AFDN: variants seen among roughly 807,000 people sequenced by gnomAD.
The protein encoded by AFDN is afadin, adherens junction formation factor.
A neutral mutation model predicts 216.6 loss-of-function variants in AFDN; 68 were observed. That is an observed-to-expected ratio of 0.31 (90% CI 0.26 to 0.38). The LOEUF (loss-of-function observed/expected upper bound fraction) is 0.38, where lower values mean the gene tolerates loss of function less well. AFDN is among the 10% of genes least tolerant of loss of function. The pLI is 1.00. For synonymous variants in AFDN, 868 were observed against 853.7 expected (o/e 1.02, Z -0.29); for missense variants, 2,136 against 2,342.0 (o/e 0.91, Z 1.82).
At chr6:167,903,270 G>T (rs969343985) in intron 12 of AFDN, among the ~76,000 whole-genome samples, 4 of 152,212 alleles carry the variant, frequency 2.6e-5, no homozygotes, top group African/African-American at 9.6e-5. Context: ...TTGTTTGCTG[G>T]TCTTGCTGGT....
At chr6:167,838,883 A>C (rs1780743533) in intron 1 of AFDN, among the ~76,000 whole-genome samples, 1 of 152,228 alleles carries the variant, frequency 6.6e-6, no homozygotes, top group Admixed American at 6.5e-5. Flanking sequence ...TTGTGATGAG[A>C]ATAAACTAAG....
intron 32 of AFDN, among the ~76,000 whole-genome samples, chr6:167,966,723 G>C (rs757011770): frequency 6.6e-6 from 1 of 152,164 alleles, no homozygotes; most frequent in South Asian, 2.1e-4. Context: ...TTCTGTTCTG[G>C]ATTAAGTAGC....
chr6:167,912,446 A>G (rs978702978), intron 15 of AFDN, among the ~76,000 whole-genome samples: 2 of 152,206 alleles, frequency 1.3e-5, no homozygotes, highest in Non-Finnish European at 2.9e-5. Context: ...ATTGTTTTCA[A>G]AGGCCAGAAT....
rs1789117802 is a variant in AFDN, at chr6:167,902,526, T to TTG, written c.1650+140_1650+141insTG. 15 of 634,852 alleles carry TTG rather than the reference T, an allele frequency of 2.4e-5. No homozygotes were observed. The East Asian group carries it at 4.3e-4, about 18-fold the overall frequency. The allele number at this position is 634,852 out of a possible 1,614,324, so 39.3% of individuals were successfully genotyped here. ...ACCAGTCAATGTCTGAAATCATAAATAGTACAGAGCCCTATGGATACTATG... is the reference window on the plus strand; with the variant it reads ...ACCAGTCAATGTCTGAAATCATAAATTGAGTACAGAGCCCTATGGATACTATG... On this transcript the variant is annotated intron_variant, in intron 12 of 33. Coordinates refer to ENST00000683244, the MANE Select transcript of AFDN (RefSeq NM_001386888.1).
At chr6:167,918,351 A>G (rs1216783352) in intron 20 of AFDN, among the ~76,000 whole-genome samples, 1 of 152,226 alleles carries the variant, frequency 6.6e-6, no homozygotes, top group African/African-American at 2.4e-5. Context: ...GCTTTTCCCT[A>G]TATCATTAAA....
chr6:167,962,716 G>A lies in AFDN; in HGVS notation c.4968+149G>A. ...CTCCCCCAGCTTTGTGATTGGACCT[G>A]CAACTTTACCCCATCTGGCCCACCT... On this transcript the variant is annotated intron_variant, in intron 31 of 33. Coordinates refer to ENST00000683244, the MANE Select transcript of AFDN (RefSeq NM_001386888.1). This position sits in a 1 kb window ranked among gnomAD's most constrained non-coding sequence, Gnocchi z 5.2. 6.5e-7 allele frequency: 1 copy of A among 1,527,404 alleles called. No individual in the cohort carries two copies. The highest frequency in any genetic ancestry group is 8.8e-7 in the Non-Finnish European group (1 of 1,139,300). 94.6% of individuals were successfully genotyped at this position (1,527,404 alleles called of 1,614,324 possible). A position where few individuals can be genotyped will look rare whatever the true frequency, so the allele number is the denominator to read the frequency against.
chr6:167,891,843 T>G (rs1229916022), intron 8 of AFDN, among the ~76,000 whole-genome samples: 1 of 152,116 alleles, frequency 6.6e-6, no homozygotes, highest in Non-Finnish European at 1.5e-5. Context: ...ATCAGAGTGG[T>G]GCACCCCCAT....
At chr6:167,943,686 C>G (rs1229633173) in intron 25 of AFDN, among the ~76,000 whole-genome samples, 1 of 152,094 alleles carries the variant, frequency 6.6e-6, no homozygotes, top group Non-Finnish European at 1.5e-5. Flanking sequence ...GAAACATACT[C>G]AACACTTCTT....
At chr6:167,913,730 G>A (rs1409193524) in intron 16 of AFDN, 1 of 462,988 alleles carries the variant, frequency 2.2e-6, no homozygotes, top group African/African-American at 2.0e-5. Context: ...CATGTGGTCG[G>A]GAGAGGATGT....
intron 30 of AFDN, among the ~76,000 whole-genome samples, chr6:167,955,959 A>G (rs191576372): frequency 0.011 from 1,676 of 152,024 alleles, 16 homozygotes; most frequent in Middle Eastern, 0.024. Flanking sequence ...TACTAAAAAT[A>G]CAAAAATTAG....
intron 29 of AFDN, 69 bp downstream of exon 29, chr6:167,948,547 A>G (rs1237186217): frequency 1.4e-6 from 2 of 1,426,090 alleles, no homozygotes; most frequent in Admixed American, 3.9e-5. Flanking sequence ...CTGAGACACA[A>G]TTAATATTTT....
chr6:167,912,065 A>G (rs1348776493), intron 15 of AFDN: 1 of 156,948 alleles, frequency 6.4e-6, no homozygotes, highest in Non-Finnish European at 1.4e-5. Flanking sequence ...GCACATGTGT[A>G]GGTGTAATGG....
intron 6 of AFDN, among the ~76,000 whole-genome samples, chr6:167,886,280 A>G (rs186510698): frequency 3.3e-5 from 5 of 152,294 alleles, no homozygotes; most frequent in Admixed American, 3.3e-4. Flanking sequence ...AGTAGTGAGA[A>G]ATAGTATCAA....
intron 30 of AFDN, among the ~76,000 whole-genome samples, chr6:167,958,007 A>C (rs1454636723): frequency 6.6e-6 from 1 of 152,230 alleles, no homozygotes; most frequent in Non-Finnish European, 1.5e-5. Context: ...AGACTTTGCC[A>C]GTACATGTTG....
chr6:167,967,272 T>A (rs1242227272), intron 32 of AFDN, among the ~76,000 whole-genome samples: 1 of 152,194 alleles, frequency 6.6e-6, no homozygotes, highest in East Asian at 1.9e-4. Flanking sequence ...TCTGAAATTG[T>A]CAAATATTCT....
Position 167,889,131 on chromosome 6 carries a change from C to T in AFDN, c.898-84C>T, listed in dbSNP as rs1367076117. On this transcript the variant is annotated intron_variant, in intron 6 of 33. Transcript: ENST00000683244. ...ATTCTACGGTGACATTTTATTCATT[C>T]AAAAGCAATAAATGTGTTCTTTTAA... 30 of 847,062 alleles carry T rather than the reference C, an allele frequency of 3.5e-5. No individual in the cohort carries two copies. The Admixed American group carries it at 6.4e-4, about 18-fold the overall frequency. The allele number at this position is 847,062 out of a possible 1,614,324, so 52.5% of individuals were successfully genotyped here.
rs140459413 is a variant in AFDN, at chr6:167,835,543, A to G, written c.105+8306A>G. 7.3e-3 allele frequency among the ~76,000 whole-genome samples: 1,108 copies of G among 152,344 alleles called. 5 individuals are homozygous for G. Among genetic ancestry groups the G allele is most frequent in the Non-Finnish European group, 0.012 (809 of 68,022 alleles). ...GAACAAAGAAACGTACTCAATTTTC[A>G]AGGAAATCAGTCATTTTTTTCTGTT... On this transcript the variant is annotated intron_variant, in intron 1 of 33. Transcript: ENST00000683244.
At chr6:167,912,121 C>G (rs1790479424) in intron 15 of AFDN, 1 of 152,292 alleles carries the variant, frequency 6.6e-6, no homozygotes, top group African/African-American at 2.4e-5. Flanking sequence ...TGTCATAAAC[C>G]TGTTTTCAAA....
chr6:167,892,253 T>C (rs139269981), intron 8 of AFDN, among the ~76,000 whole-genome samples: 4,838 of 152,308 alleles, frequency 0.032, 107 homozygotes, highest in African/African-American at 0.046. Flanking sequence ...CTCAGTTCTC[T>C]GGGTGGAAAG....
Sources: gnomAD v4.1 joint callset for allele counts (sites outside exome capture counted in the v4.1 genomes callset) on GRCh38, gnomAD v4.1.1 for gene constraint, Gnocchi (gnomAD v3.1) non-coding constraint, MANE v1.5 for transcripts, NCBI Gene and HGNC (gene_info 2026-07-23, HGNC 2026-07-21) for gene names.